The following PRDM5 variants were observed in gnomAD, a reference collection of about 807,000 sequenced individuals.
PRDM5 encodes PR/SET domain 5.
Under a neutral mutation model 81.2 loss-of-function variants are expected in PRDM5, and 56 were observed. The observed-to-expected ratio is 0.69, with a 90% CI of 0.56 to 0.86. The LOEUF is 0.86. Ranked by LOEUF, PRDM5 falls within the 40% of genes least tolerant of loss-of-function variation. The pLI, the probability that PRDM5 is intolerant of heterozygous loss-of-function variation, is 0.00. For synonymous variants in PRDM5, 267 were observed against 256.4 expected, an observed-to-expected ratio of 1.04 and a Z score of -0.39; for missense variants, 697 against 770.1, an observed-to-expected ratio of 0.91 and a Z score of 1.12.
At chr4:120,858,365 T>C (rs1040385669) in intron 2 of PRDM5, among the ~76,000 whole-genome samples, 1 of 152,114 alleles carries the variant, frequency 6.6e-6, no homozygotes, top group African/African-American at 2.4e-5. Flanking sequence ...AAAAAGCAAG[T>C]GTGCTCAAGT....
At chr4:120,708,228 A>G (rs1368540916) in intron 15 of PRDM5, among the ~76,000 whole-genome samples, 1 of 152,134 alleles carries the variant, frequency 6.6e-6, no homozygotes, top group Admixed American at 6.6e-5. Context: ...CAATAGTCAT[A>G]AGGTAGAAAG....
intron 13 of PRDM5, among the ~76,000 whole-genome samples, chr4:120,766,867 G>C (rs1486562138): frequency 6.6e-6 from 1 of 152,166 alleles, no homozygotes; most frequent in Non-Finnish European, 1.5e-5. Flanking sequence ...GTGCACACTT[G>C]CCACATTCTC....
intron 1 of PRDM5, among the ~76,000 whole-genome samples, chr4:120,908,274 G>C (rs1766067288): frequency 6.6e-6 from 1 of 152,218 alleles, no homozygotes; most frequent in African/African-American, 2.4e-5. Context: ...GACCAAAGCA[G>C]GGACTGCAGA....
At chr4:120,835,645 C>T (rs1757261300) in intron 3 of PRDM5, among the ~76,000 whole-genome samples, 1 of 152,146 alleles carries the variant, frequency 6.6e-6, no homozygotes, top group African/African-American at 2.4e-5. Flanking sequence ...TCCTCCTTGC[C>T]TTCCATCATG....
At chr4:120,691,470 C>T (rs112725374), downstream of PRDM5, among the ~76,000 whole-genome samples, 1,206 of 152,198 alleles carry the variant, frequency 7.9e-3, 14 homozygotes, top group African/African-American at 0.026. Flanking sequence ...AAGATTGGGG[C>T]AACATCAAAA....
intron 8 of PRDM5, among the ~76,000 whole-genome samples, chr4:120,807,496 T>A (rs1753155324): frequency 6.6e-6 from 1 of 152,028 alleles, no homozygotes; most frequent in South Asian, 2.1e-4. Flanking sequence ...ATTAAGAAAA[T>A]GTGGCACACA....
intron 13 of PRDM5, among the ~76,000 whole-genome samples, chr4:120,769,600 C>A (rs924900826): frequency 2.0e-5 from 3 of 152,132 alleles, no homozygotes; most frequent in Non-Finnish European, 4.4e-5. Context: ...ACCCAGTGAG[C>A]CTTTTTATCA....
chr4:120,896,323 A>C (rs1292940769), intron 2 of PRDM5: 1 of 152,176 alleles, frequency 6.6e-6, no homozygotes, highest in Non-Finnish European at 1.5e-5. Flanking sequence ...ACTCTACTTG[A>C]GATGAAATTT....
chr4:120,900,326 G>T lies in PRDM5; in HGVS notation c.177+7148C>A, dbSNP rs1473198243. 2.0e-5 allele frequency among the ~76,000 whole-genome samples: 3 copies of T among 152,228 alleles called. No homozygotes were observed. The South Asian group carries it at 6.2e-4, about 32-fold the overall frequency. ...GTCCCATCCTGGAGGCTATCTAGGGGACTCCAGCCTCCAGTCATCTCATTA... is the reference window on the plus strand; with the variant it reads ...GTCCCATCCTGGAGGCTATCTAGGGTACTCCAGCCTCCAGTCATCTCATTA... On this transcript the variant is annotated intron_variant, in intron 2 of 15. Coordinates refer to ENST00000264808, the MANE Select transcript of PRDM5 (RefSeq NM_018699.4).
chr4:120,691,579 T>C (rs994373906), downstream of PRDM5, among the ~76,000 whole-genome samples: 3 of 152,140 alleles, frequency 2.0e-5, no homozygotes, highest in Non-Finnish European at 4.4e-5. Flanking sequence ...TATTTTTACT[T>C]AAGATGCTAC....
intron 2 of PRDM5, among the ~76,000 whole-genome samples, chr4:120,901,347 A>G (rs1446069292): frequency 6.6e-6 from 1 of 152,246 alleles, no homozygotes; most frequent in Non-Finnish European, 1.5e-5. Flanking sequence ...GGATTTTGTA[A>G]TATGCAATTT....
intron 7 of PRDM5, 101 bp from the exon 8 acceptor site, chr4:120,811,550 G>T: frequency 1.4e-6 from 1 of 712,446 alleles, no homozygotes; most frequent in Non-Finnish European, 2.4e-6. Context: ...TCATAATTTA[G>T]AATTCTAAAC....
intron 3 of PRDM5, among the ~76,000 whole-genome samples, chr4:120,846,681 CTAAG>C (rs1358883328): frequency 1.3e-5 from 2 of 152,016 alleles, no homozygotes; most frequent in African/African-American, 4.8e-5. Flanking sequence ...TGTGTAGAGG[CTAAG>C]TGTTTTGCAT....
intron 15 of PRDM5, among the ~76,000 whole-genome samples, chr4:120,699,161 AATATATATATATATATATATATATATAT>A (rs70948358): frequency 4.2e-4 from 31 of 73,484 alleles, no homozygotes; most frequent in African/African-American, 1.3e-3. Flanking sequence ...AGGAAATATA[AATATATATATATATATATATATATATAT>A]ATATATATAT....
chr4:120,734,823 C>G (rs1304511917), intron 14 of PRDM5, among the ~76,000 whole-genome samples: 1 of 152,322 alleles, frequency 6.6e-6, no homozygotes, highest in East Asian at 1.9e-4. Context: ...CCTAGCCCTC[C>G]TCCTATGCTG....
At chr4:120,882,294 C>A (rs1177695332) in intron 2 of PRDM5, among the ~76,000 whole-genome samples, 1 of 152,140 alleles carries the variant, frequency 6.6e-6, no homozygotes, top group African/African-American at 2.4e-5. Context: ...ATTACAGGCA[C>A]CTGCCACCAC....
chr4:120,832,252 G>A (rs1017556380), intron 3 of PRDM5, among the ~76,000 whole-genome samples: 2 of 152,034 alleles, frequency 1.3e-5, no homozygotes, highest in African/African-American at 4.8e-5. Context: ...TGGGGGCAGG[G>A]GAGATAACTA....
intron 13 of PRDM5, among the ~76,000 whole-genome samples, chr4:120,770,463 TC>T (rs1181434392): frequency 3.4e-5 from 3 of 89,336 alleles, no homozygotes; most frequent in African/African-American, 1.2e-4. Context: ...TTCTCATTTC[TC>T]TTTTTTTTTT....
intron 3 of PRDM5, 90 bp from the exon 4 acceptor site, chr4:120,821,435 G>A (rs1259081778): frequency 1.4e-5 from 17 of 1,249,270 alleles, no homozygotes; most frequent in Non-Finnish European, 1.8e-5. Context: ...GGAGTACTAT[G>A]TGTGCATGAA....
Sources: gnomAD v4.1 joint callset for allele counts (sites outside exome capture counted in the v4.1 genomes callset) on GRCh38, gnomAD v4.1.1 for gene constraint, MANE v1.5 for transcripts, NCBI Gene and HGNC (gene_info 2026-07-23, HGNC 2026-07-21) for gene names.